Variants in TMEM126A observed in about 807,000 individuals in gnomAD.
The protein encoded by TMEM126A is optic atrophy 7.
In TMEM126A, 10 loss-of-function variants were observed where a neutral mutation model predicts 18.3. The ratio of observed to expected loss-of-function variants is 0.55; its 90% confidence interval spans 0.34 to 0.93. The LOEUF (loss-of-function observed/expected upper bound fraction) is 0.93, where lower values mean the gene tolerates loss of function less well. Among genes scored for constraint, TMEM126A ranks in the 40% least tolerant of loss-of-function variants. The pLI is 0.02. For missense variants in TMEM126A, 246 were observed against 230.2 expected (o/e 1.07, Z -0.44); for synonymous variants, 68 against 78.1 (o/e 0.87, Z 0.68).
At chr11:85,651,093 A>G (rs1276804546) in intron 2 of TMEM126A, among the ~76,000 whole-genome samples, 1 of 140,352 alleles carries the variant, frequency 7.1e-6, no homozygotes, top group Non-Finnish European at 1.6e-5. Context: ...AAAAAAAAAG[A>G]TATTAAAGAG....
intron 1 of TMEM126A, 45 bp from the exon 2 acceptor site, chr11:85,650,204 T>C: frequency 7.8e-7 from 1 of 1,280,852 alleles, no homozygotes; most frequent in African/African-American, 1.5e-5. Flanking sequence ...TTTTTAAAAT[T>C]CTTTGTATAA....
At chr11:85,655,790 G>T in intron 4 of TMEM126A, 82 bp downstream of exon 4, 1 of 1,058,838 alleles carries the variant, frequency 9.4e-7, no homozygotes, top group Admixed American at 1.8e-5. Context: ...TTGTTTTTAA[G>T]GCATTTAGAC....
chr11:85,656,227 T>C, intron 4 of TMEM126A, 82 bp from the exon 5 acceptor site: 3 of 1,185,716 alleles, frequency 2.5e-6, no homozygotes, highest in Non-Finnish European at 3.7e-6. Context: ...TTAAGACTTC[T>C]AGGACTAATA....
Position 85,656,394 on chromosome 11 carries a change from TTTCC to T in TMEM126A, c.483_486del (p.Phe161LeufsTer21), listed in dbSNP as rs746219024. On this transcript the variant is annotated frameshift_variant, in exon 5 of 5. Coordinates refer to ENST00000304511, the MANE Select transcript of TMEM126A (RefSeq NM_032273.4). LOFTEE classifies it high-confidence loss of function. ...TAAGCCTGTCTTTAGAAAGATGTTA[TTTCC>T]TATTTTGCTCCAGACTATGTTTTCA... 2 of 1,613,238 alleles carry T rather than the reference TTTCC, an allele frequency of 1.2e-6. No homozygotes were observed. Among genetic ancestry groups the T allele is most frequent in the East Asian group, 4.5e-5 (2 of 44,812 alleles).
chr11:85,649,459 A>C (rs1234124205), intron 1 of TMEM126A, among the ~76,000 whole-genome samples: 2 of 152,232 alleles, frequency 1.3e-5, no homozygotes, highest in Non-Finnish European at 2.9e-5. Flanking sequence ...TGTTACCTGC[A>C]AAGCCTACCA....
intron 4 of TMEM126A, 37 bp downstream of exon 4, chr11:85,655,745 CTA>C (rs1428173684): frequency 7.2e-7 from 1 of 1,396,690 alleles, no homozygotes; most frequent in South Asian, 1.2e-5. Flanking sequence ...ATGTGATTAC[CTA>C]TAAAACTCAC....
chr11:85,655,665 CCT>C lies in TMEM126A; in HGVS notation c.353_354del (p.Pro118ArgfsTer32). ...TGGTCTTGTTATTGGTGGTCTATAC[CCT>C]GTTTTCTTGGCTATACCTGTAAATG... ...LTGLVIGGLY[P>X]VFLAIPVNGG... On this transcript the variant is annotated frameshift_variant, in exon 4 of 5. Coordinates refer to ENST00000304511, the MANE Select transcript of TMEM126A (RefSeq NM_032273.4). LOFTEE classifies it high-confidence loss of function. 1 of 1,613,512 alleles carries C rather than the reference CCT, an allele frequency of 6.2e-7. No individual in the cohort carries two copies. The highest frequency in any genetic ancestry group is 8.5e-7 in the Non-Finnish European group (1 of 1,179,664).
At chr11:85,652,408 A>G (rs2082507674) in intron 2 of TMEM126A, among the ~76,000 whole-genome samples, 1 of 152,136 alleles carries the variant, frequency 6.6e-6, no homozygotes, top group Non-Finnish European at 1.5e-5. Flanking sequence ...TGGATTATTA[A>G]TCAGGTATTT....
At chr11:85,648,229 T>G (rs2082475308) in intron 1 of TMEM126A, 140 bp downstream of exon 1, 1 of 152,238 alleles carries the variant, frequency 6.6e-6, no homozygotes, top group Non-Finnish European at 1.5e-5. Context: ...TGCTGTCTTT[T>G]CACTTTGCAC....
At chr11:85,651,808 CA>C (rs1266523737) in intron 2 of TMEM126A, among the ~76,000 whole-genome samples, 1 of 151,862 alleles carries the variant, frequency 6.6e-6, no homozygotes, top group Non-Finnish European at 1.5e-5. Context: ...CCTTTTAAAG[CA>C]AAAAAGGAAC....
chr11:85,655,584 T>G lies in TMEM126A; in HGVS notation c.281-10T>G, dbSNP rs2153313647. 1 of 1,597,122 alleles carries G rather than the reference T, an allele frequency of 6.3e-7. No homozygotes were observed. ...ATGACCTTCATTTCTATGACTAATTTATTTCCTAGGTGATTTGGATTGTGA... is the reference window on the plus strand; with the variant it reads ...ATGACCTTCATTTCTATGACTAATTGATTTCCTAGGTGATTTGGATTGTGA... On this transcript the variant is annotated splice_polypyrimidine_tract_variant and intron_variant, in intron 3 of 4. Transcript: ENST00000304511.
At position 85,648,037 on chromosome 11, in the gene TMEM126A, G is replaced by C. The variant is rs1477488215; in HGVS notation, c.-60G>C. On this transcript the variant is annotated 5_prime_UTR_variant, in exon 1 of 5. Transcript: ENST00000304511. ...TGAGCAAAGGCCACAGTGAACTCCG[G>C]CGTGGCTGAGGAAGGAGGAGGCACC... 7.1e-6 allele frequency: 1 copy of C among 140,652 alleles called. No homozygotes were observed. The highest frequency in any genetic ancestry group is 1.5e-5 in the Non-Finnish European group (1 of 66,078). 8.7% of individuals were successfully genotyped at this position (140,652 alleles called of 1,614,324 possible).
intron 2 of TMEM126A, 39 bp from the exon 3 acceptor site, chr11:85,654,024 A>G (rs372876458): frequency 5.9e-5 from 95 of 1,610,292 alleles, no homozygotes; most frequent in Non-Finnish European, 7.5e-5. Context: ...CACACACACA[A>G]TAATGCCAAA....
At chr11:85,649,619 G>C (rs116391290) in intron 1 of TMEM126A, among the ~76,000 whole-genome samples, 1 of 152,234 alleles carries the variant, frequency 6.6e-6, no homozygotes, top group African/African-American at 2.4e-5. Flanking sequence ...CTACCCCACA[G>C]AATGTACACA....
intron 2 of TMEM126A, 26 bp from the exon 3 acceptor site, chr11:85,654,037 A>G: frequency 1.9e-6 from 3 of 1,613,832 alleles, no homozygotes; most frequent in Non-Finnish European, 2.5e-6. Flanking sequence ...ATGCCAAAGA[A>G]AAGTTCTTTC....
chr11:85,649,234 CTT>C (rs1254762812), intron 1 of TMEM126A, among the ~76,000 whole-genome samples: 1 of 152,178 alleles, frequency 6.6e-6, no homozygotes, highest in Non-Finnish European at 1.5e-5. Flanking sequence ...TGCATCCAGC[CTT>C]TGTTTTTCTT....
At chr11:85,650,585 T>G (rs974514456) in intron 2 of TMEM126A, among the ~76,000 whole-genome samples, 72 of 152,240 alleles carry the variant, frequency 4.7e-4, no homozygotes, top group African/African-American at 1.7e-3. Flanking sequence ...AGTTTTTCCA[T>G]TAGGCTTGGA....
Position 85,656,365 on chromosome 11 carries a change from C to T in TMEM126A, c.452C>T (p.Thr151Ile). 1 of 1,612,834 alleles carries T rather than the reference C, an allele frequency of 6.2e-7. No individual in the cohort carries two copies. Among genetic ancestry groups the T allele is most frequent in the South Asian group, 1.1e-5 (1 of 91,040 alleles). ...KGNILSYWIRTSKPVFRKMLF... is the reference protein window; with the variant it reads ...KGNILSYWIRISKPVFRKMLF... ...AACATCTTAAGTTACTGGATTAGAA[C>T]TTCTAAGCCTGTCTTTAGAAAGATG... Residue 151 changes from threonine to isoleucine, a missense_variant, in exon 5 of 5, where the codon ACT (threonine) becomes ATT (isoleucine). Thr to Ile is a moderately conservative substitution (Grantham distance 89, BLOSUM62 -1). Coordinates refer to ENST00000304511, the MANE Select transcript of TMEM126A (RefSeq NM_032273.4).
intron 2 of TMEM126A, 150 bp downstream of exon 2, chr11:85,650,491 A>AT: frequency 1.5e-6 from 1 of 667,052 alleles, no homozygotes; most frequent in Non-Finnish European, 2.7e-6. Flanking sequence ...GCGTTTAACC[A>AT]TTTTGCTCAA....
Sources: gnomAD v4.1 joint callset for allele counts (sites outside exome capture counted in the v4.1 genomes callset) on GRCh38, gnomAD v4.1.1 for gene constraint, MANE v1.5 for transcripts, NCBI Gene and HGNC (gene_info 2026-07-23, HGNC 2026-07-21) for gene names.